Variants in ELL3 observed in about 807,000 individuals in gnomAD.
The protein encoded by ELL3 is RNA polymerase II elongation factor ELL3.
A neutral mutation model predicts 58.5 loss-of-function variants in ELL3; 48 were observed. That is an observed-to-expected ratio of 0.82 (90% CI 0.65 to 1.04). ELL3 has a LOEUF of 1.04. ELL3 is among the 50% of genes least tolerant of loss of function. The pLI is 0.00. For missense variants in ELL3, 458 were observed against 478.4 expected (o/e 0.96, Z 0.40); for synonymous variants, 174 against 173.2 (o/e 1.00, Z -0.04).
chr15:43,774,468 G>T lies in ELL3; in HGVS notation c.866+8C>A, dbSNP rs376960260. ...TCTTGATGAAATTGGAAAAAGCAAG[G>T]AACTCACAGGAGGTAGTCTGGTATA... On this transcript the variant is annotated splice_region_variant and intron_variant, in intron 8 of 10. Coordinates refer to ENST00000319359, the MANE Select transcript of ELL3 (RefSeq NM_025165.3). The T allele has an allele frequency of 5.0e-6, 8 of 1,613,932 alleles. No individual in the cohort carries two copies. In the Admixed American group the frequency reaches 5.0e-5, roughly 10 times the overall value.
rs375271645 is a variant in ELL3 at position 43,774,787 on chromosome 15, T to C, written c.646-14A>G. ...CACTGAACGTTTCTGTTGAGGAAAA[T>C]ATCTGTGTGACATAAACAGCCAAGA... On this transcript the variant is annotated splice_polypyrimidine_tract_variant and intron_variant, in intron 6 of 10. Coordinates refer to ENST00000319359, the MANE Select transcript of ELL3 (RefSeq NM_025165.3). The C allele has an allele frequency of 1.5e-5, 24 of 1,584,102 alleles. No individual in the cohort carries two copies. In the South Asian group the frequency reaches 1.8e-4, roughly 12 times the overall value.
intron 2 of ELL3, 66 bp from the exon 3 acceptor site, chr15:43,776,217 G>T: frequency 7.0e-7 from 1 of 1,429,108 alleles, no homozygotes; most frequent in Non-Finnish European, 9.8e-7. Flanking sequence ...GCCGCCACTC[G>T]TCCGGGAGCC....
chr15:43,773,522 A>C (rs1287156262), intron 9 of ELL3, among the ~76,000 whole-genome samples, 174 bp from the exon 10 acceptor site: 1 of 152,048 alleles, frequency 6.6e-6, no homozygotes, highest in East Asian at 1.9e-4. Flanking sequence ...CTCTACTAAA[A>C]AAATACAAAA....
rs149822452 is a variant in ELL3, at chr15:43,774,510, A to T, written c.832T>A (p.Ser278Thr). Residue 278 changes from serine to threonine, a missense_variant, in exon 8 of 11, where the codon TCC (serine) becomes ACC (threonine). Transcript: ENST00000319359. The stretch of plus-strand genomic sequence containing the variant: ...TCTGGTATATCTTCAGGACTTGGGG[A>T]TTCAGAATCTAGGAAGGAAGCAAGA... Reference protein sequence around the residue: ...HSSSVQEDSESPSPEDIPDYL... With the variant: ...HSSSVQEDSETPSPEDIPDYL... 1 of 1,614,202 alleles carries T rather than the reference A, an allele frequency of 6.2e-7. No homozygotes were observed. The highest frequency in any genetic ancestry group is 2.2e-5 in the East Asian group (1 of 44,886).
rs368841178 is a variant in ELL3 at position 43,776,019 on chromosome 15, G to T, written c.281+20C>A. 1.2e-6 allele frequency: 2 copies of T among 1,613,232 alleles called. No individual in the cohort carries two copies. Among genetic ancestry groups the T allele is most frequent in the Non-Finnish European group, 8.5e-7 (1 of 1,179,618 alleles). On this transcript the variant is annotated intron_variant, in intron 3 of 10. Coordinates refer to ENST00000319359, the MANE Select transcript of ELL3 (RefSeq NM_025165.3). ...CACTTTCCACAAACCCTTTCTTGCC[G>T]GCTACCTGTTCCCCCTCACCTGAGG...
chr15:43,772,862 A>G lies in ELL3; in HGVS notation c.*254T>C. On this transcript the variant is annotated 3_prime_UTR_variant, in exon 11 of 11. Transcript: ENST00000319359. ...GACTTGAAAATGACTTGGCTGAACT[A>G]AAGGTAAAAAAGCCAAGCCTCTGTC... 3.0e-6 allele frequency: 1 copy of G among 337,068 alleles called. No individual in the cohort carries two copies. Among genetic ancestry groups the G allele is most frequent in the Non-Finnish European group, 5.3e-6 (1 of 187,970 alleles). 20.9% of individuals were successfully genotyped at this position (337,068 alleles called of 1,614,324 possible).
Position 43,775,604 on chromosome 15 carries a change from C to A in ELL3, c.490G>T (p.Val164Leu), listed in dbSNP as rs771808909. Residue 164 changes from valine to leucine, a missense_variant, in exon 5 of 11, where the codon GTG becomes TTG. Transcript: ENST00000319359. ...TGGTTGCTTGCCAGTGGATCTGACA[C>A]TGACACCTGGTGGGGAAAGTGGCAG... ...QPQMALEEVS[V>L]SDPLASNQGQ... is the part of the protein sequence containing the mutation. 1 of 1,614,222 alleles carries A rather than the reference C, an allele frequency of 6.2e-7. No homozygotes were observed. Among genetic ancestry groups the A allele is most frequent in the Non-Finnish European group, 8.5e-7 (1 of 1,180,032 alleles).
At position 43,773,246 on chromosome 15, in the gene ELL3, A is replaced by G; in HGVS notation, c.1084-20T>C. On this transcript the variant is annotated intron_variant, in intron 10 of 10. Transcript: ENST00000319359. ...GTACTGCTGCAGAGAAAAAGCATCCATGTCAAAAAGTAAAAATTCTCATTC... is the reference window on the plus strand; with the variant it reads ...GTACTGCTGCAGAGAAAAAGCATCCGTGTCAAAAAGTAAAAATTCTCATTC... 2.5e-6 allele frequency: 4 copies of G among 1,613,824 alleles called. No homozygotes were observed. Among genetic ancestry groups the G allele is most frequent in the Non-Finnish European group, 2.5e-6 (3 of 1,179,934 alleles).
chr15:43,775,328 G>C lies in ELL3; in HGVS notation c.623C>G (p.Ala208Gly), dbSNP rs749135819. ...TACCTTGTCCAGACGTTTCCGGCTG[G>C]CAGAGGAAGGCAGTGCCTGAACAGG... The part of the protein sequence containing the change: ...REPVQALPSS[A>G]SRKRLDKKRS... Residue 208 changes from alanine to glycine, a missense_variant, in exon 6 of 11, where the codon GCC becomes GGC. Transcript: ENST00000319359. The C allele has an allele frequency of 2.5e-6, 4 of 1,612,824 alleles. No individual in the cohort carries two copies. In the South Asian group the frequency reaches 3.3e-5, roughly 13 times the overall value.
At position 43,775,925 on chromosome 15, in the gene ELL3, T is replaced by C; in HGVS notation, c.282-2A>G. ...CAGTGGAGGCTGTTAGGCCCAGACC[T>C]GGAAAAGGATGGTGGAAAAAAATAG... On this transcript the variant is annotated splice_acceptor_variant, in intron 3 of 10. Coordinates refer to ENST00000319359, the MANE Select transcript of ELL3 (RefSeq NM_025165.3). LOFTEE classifies it high-confidence loss of function. 6.2e-7 allele frequency: 1 copy of C among 1,614,092 alleles called. No individual in the cohort carries two copies. Among genetic ancestry groups the C allele is most frequent in the Middle Eastern group, 1.7e-4 (1 of 6,058 alleles).
chr15:43,776,429 C>G, intron 2 of ELL3, 80 bp downstream of exon 2: 2 of 1,548,060 alleles, frequency 1.3e-6, no homozygotes, highest in Non-Finnish European at 1.7e-6. Context: ...GCCTCCGGCC[C>G]CGACCGCACC....
In ELL3 at chr15:43,774,203, C is replaced by G; in HGVS notation, c.1017G>C (p.Arg339=). Residue 339 remains arginine, a synonymous_variant, in exon 9 of 11, where the codon CGG becomes CGC. Transcript: ENST00000319359. ...TTACCTTGTATTCTGGAGTTCCTCG[C>G]CGAACTCTTTTAATCTCTGCTCCCA... The part of the protein sequence containing the change: ...IELGAEIKRV[R]RGTPEYKVLE... The G allele has an allele frequency of 1.9e-6, 3 of 1,614,146 alleles. No homozygotes were observed. The South Asian group carries it at 3.3e-5, about 18-fold the overall frequency.
chr15:43,776,049 G>GT lies in ELL3; in HGVS notation c.270dup (p.Arg91ThrfsTer8). 6.2e-7 allele frequency: 1 copy of GT among 1,614,024 alleles called. No individual in the cohort carries two copies. The highest frequency in any genetic ancestry group is 8.5e-7 in the Non-Finnish European group (1 of 1,180,000). ...CCTGTTCCCCCTCACCTGAGGAAGCGTTGGCACACAAGGTCCAAGCTACCA... is the reference window on the plus strand; with the variant it reads ...CCTGTTCCCCCTCACCTGAGGAAGCGTTTGGCACACAAGGTCCAAGCTACCA... On this transcript the variant is annotated frameshift_variant, in exon 3 of 11. Coordinates refer to ENST00000319359, the MANE Select transcript of ELL3 (RefSeq NM_025165.3). LOFTEE classifies it high-confidence loss of function.
At chr15:43,776,236 A>G in intron 2 of ELL3, 85 bp from the exon 3 acceptor site, 8 of 1,301,474 alleles carry the variant, frequency 6.1e-6, no homozygotes, top group Non-Finnish European at 8.7e-6. Flanking sequence ...CCAGTCCGTA[A>G]GTAAGACTAA....
Position 43,774,462 on chromosome 15 carries a change from A to C in ELL3, c.866+14T>G. 2 of 1,614,070 alleles carry C rather than the reference A, an allele frequency of 1.2e-6. No homozygotes were observed. Among genetic ancestry groups the C allele is most frequent in the Non-Finnish European group, 1.7e-6 (2 of 1,180,012 alleles). ...AACAAGTCTTGATGAAATTGGAAAA[A>C]GCAAGGAACTCACAGGAGGTAGTCT... On this transcript the variant is annotated intron_variant, in intron 8 of 10. Coordinates refer to ENST00000319359, the MANE Select transcript of ELL3 (RefSeq NM_025165.3).
intron 2 of ELL3, 138 bp downstream of exon 2, chr15:43,776,371 C>T: frequency 7.2e-7 from 1 of 1,398,286 alleles, no homozygotes; most frequent in Non-Finnish European, 9.9e-7. Flanking sequence ...CTCCTCGCCC[C>T]ACTTGGAGTT....
chr15:43,775,661 C>T, intron 4 of ELL3, 51 bp from the exon 5 acceptor site: 1 of 1,613,976 alleles, frequency 6.2e-7, no homozygotes, highest in Non-Finnish European at 8.5e-7. Flanking sequence ...ACTGGGATAC[C>T]TTGGACTTCA....
At position 43,775,629 on chromosome 15, in the gene ELL3, G is replaced by A; in HGVS notation, c.484-19C>T. 2 of 1,614,160 alleles carry A rather than the reference G, an allele frequency of 1.2e-6. No individual in the cohort carries two copies. Among genetic ancestry groups the A allele is most frequent in the Non-Finnish European group, 1.7e-6 (2 of 1,180,016 alleles). On this transcript the variant is annotated intron_variant, in intron 4 of 10. Transcript: ENST00000319359. ...CTGACACCTGGTGGGGAAAGTGGCA[G>A]GAGCACTTGGTTCCCTGGAGTACTG...
In ELL3 at chr15:43,774,372, T is replaced by C; in HGVS notation, c.867-19A>G. 2 of 1,613,892 alleles carry C rather than the reference T, an allele frequency of 1.2e-6. No homozygotes were observed. Among genetic ancestry groups the C allele is most frequent in the South Asian group, 2.2e-5 (2 of 91,080 alleles). ...GTATTGCCTGCCAGGAGCAGAGAGT[T>C]GTCACCTTCAATTTCATTGCCCCTG... On this transcript the variant is annotated intron_variant, in intron 8 of 10. Transcript: ENST00000319359.
Sources: allele counts gnomAD v4.1 joint callset (sites outside exome capture counted in the v4.1 genomes callset), GRCh38; gene constraint gnomAD v4.1.1; transcripts MANE v1.5; gene names NCBI Gene and HGNC (gene_info 2026-07-23, HGNC 2026-07-21).